The following MMP21 variants were observed in gnomAD, a reference collection of about 807,000 sequenced individuals.
MMP21 encodes matrix metallopeptidase 21.
A neutral mutation model predicts 47.8 loss-of-function variants in MMP21; 40 were observed. That is an observed-to-expected ratio of 0.84 (90% CI 0.65 to 1.09). MMP21 has a LOEUF of 1.09. Among genes scored for constraint, MMP21 ranks in the 50% least tolerant of loss-of-function variants. The pLI is 0.00. For synonymous variants in MMP21, 341 were observed against 318.0 expected (o/e 1.07, Z -0.77); for missense variants, 747 against 775.3 (o/e 0.96, Z 0.43).
rs780403304 is a variant in MMP21, at chr10:125,766,752, C to G, written c.1620G>C (p.Trp540Cys). Residue 540 changes from tryptophan (W) to cysteine (C), a missense_variant, in exon 7 of 7, where the codon TGG becomes TGC. Transcript: ENST00000368808. ...VNDKDKQQNS[W>C]LPANGLFPKK... ...TTGGAAATAAGCCATTAGCAGGAAG[C>G]CAGGAATTCTGTTGTTTGTCCTTGT... 1.2e-6 allele frequency: 2 copies of G among 1,613,728 alleles called. No homozygotes were observed. The highest frequency in any genetic ancestry group is 4.5e-5 in the East Asian group (2 of 44,852).
At chr10:125,769,214 A>C (rs972545364) in intron 5 of MMP21, among the ~76,000 whole-genome samples, 3 of 152,242 alleles carry the variant, frequency 2.0e-5, no homozygotes, top group African/African-American at 7.2e-5. Flanking sequence ...GGGTGTGAAT[A>C]AGGAGCAGCG....
rs200862216 is a variant in MMP21, at chr10:125,766,989, C to T, written c.1411-28G>A. 9 of 1,514,448 alleles carry T rather than the reference C, an allele frequency of 5.9e-6. No homozygotes were observed. The Admixed American group carries it at 1.4e-4, about 24-fold the overall frequency. The allele number at this position is 1,514,448 out of a possible 1,614,324, so 93.8% of individuals were successfully genotyped here. A position where few individuals can be genotyped will look rare whatever the true frequency, so the allele number is the denominator to read the frequency against. ...GCAAAGCAAATAAGATAGACTGGCT[C>T]TTCTGAAAATTATTAATATTTTTTG... is the stretch of plus-strand genomic sequence containing the variant. On this transcript the variant is annotated intron_variant, in intron 6 of 6. Coordinates refer to ENST00000368808, the MANE Select transcript of MMP21 (RefSeq NM_147191.1).
rs1341301860 is a variant in MMP21, at chr10:125,774,099, C to A, written c.429G>T (p.Arg143Ser). The change falls in exon 2 of 7, where the codon AGG (arginine) becomes AGT (serine). Residue 143 changes from arginine (R) to serine (S), a missense_variant. By Grantham distance (110) the Arg-to-Ser change is moderately radical. Transcript: ENST00000368808. ...PPGPPPRARS[R>S]RSPRAPLSLS... is the part of the protein sequence containing the mutation. ...AGGACAGCGGCGCCCGCGGGGAGCG[C>A]CTGGAGCGGGCTCTGGGGGGCGGGC... is the stretch of plus-strand genomic sequence containing the variant. 7.4e-7 allele frequency: 1 copy of A among 1,348,316 alleles called. No homozygotes were observed. Among genetic ancestry groups the A allele is most frequent in the Non-Finnish European group, 9.5e-7 (1 of 1,056,462 alleles). The allele number at this position is 1,348,316 out of a possible 1,614,324, so 83.5% of individuals were successfully genotyped here. A position where few individuals can be genotyped will look rare whatever the true frequency, so the allele number is the denominator to read the frequency against.
intron 5 of MMP21, among the ~76,000 whole-genome samples, chr10:125,769,476 C>G (rs1035192124): frequency 2.0e-5 from 3 of 152,230 alleles, no homozygotes; most frequent in Non-Finnish European, 4.4e-5. Context: ...GGACCCCAGT[C>G]TCACAGCTCT....
Position 125,772,089 on chromosome 10 carries a change from G to A in MMP21, c.979+129C>T. On this transcript the variant is annotated intron_variant, in intron 4 of 6. Coordinates refer to ENST00000368808, the MANE Select transcript of MMP21 (RefSeq NM_147191.1). The surrounding 1 kb of genome is among the most constrained non-coding windows in gnomAD (Gnocchi z 5.6). The stretch of plus-strand genomic sequence containing the variant: ...AGGGAGCTAGAGGGTGGCTACCCTT[G>A]GGTGACATGAGTTGTACAACGTTGC... 2.6e-6 allele frequency: 3 copies of A among 1,150,520 alleles called. No homozygotes were observed. In the South Asian group the frequency reaches 4.4e-5, roughly 17 times the overall value. 71.3% of individuals were successfully genotyped at this position (1,150,520 alleles called of 1,614,324 possible). A position where few individuals can be genotyped will look rare whatever the true frequency, so the allele number is the denominator to read the frequency against.
chr10:125,768,963 A>G (rs969920742), intron 5 of MMP21, among the ~76,000 whole-genome samples: 1 of 152,178 alleles, frequency 6.6e-6, no homozygotes, highest in Admixed American at 6.5e-5. Context: ...CTTATGGTAA[A>G]ATTTGCATAT....
Position 125,766,925 on chromosome 10 carries a change from T to C in MMP21, c.1447A>G (p.Asn483Asp). The C allele has an allele frequency of 1.2e-6, 2 of 1,604,780 alleles. No homozygotes were observed. Among genetic ancestry groups the C allele is most frequent in the Non-Finnish European group, 1.7e-6 (2 of 1,176,948 alleles). Residue 483 changes from asparagine (N) to aspartate (D), a missense_variant, in exon 7 of 7, where the codon AAT becomes GAT. Coordinates refer to ENST00000368808, the MANE Select transcript of MMP21 (RefSeq NM_147191.1). ...AFDVNRNRVL[N>D]SYPKRITEVF... is the part of the protein sequence containing the mutation. Reference sequence around the variant, plus strand: ...TCAGTAATCCTCTTTGGATAAGAATTAAGTACTCGATTTCTGTTGACATCA... The same window carrying C: ...TCAGTAATCCTCTTTGGATAAGAATCAAGTACTCGATTTCTGTTGACATCA...
chr10:125,773,171 A>G lies in MMP21; in HGVS notation c.698-421T>C, dbSNP rs538465988. 7.2e-5 allele frequency among the ~76,000 whole-genome samples: 11 copies of G among 152,310 alleles called. No homozygotes were observed. The East Asian group carries it at 1.7e-3, about 24-fold the overall frequency. ...CTCACCCTGGGACATTAACCCAGTG[A>G]GACCAGAAGACAGCCCTGAGCACCC... On this transcript the variant is annotated intron_variant, in intron 2 of 6. Transcript: ENST00000368808. This position sits in a 1 kb window ranked among gnomAD's most constrained non-coding sequence, Gnocchi z 4.8.
Position 125,775,713 on chromosome 10 carries a change from C to T in MMP21, c.109G>A (p.Glu37Lys). ...LFHSRDRSDL[E>K]PSPLRQAKPI... is the part of the protein sequence containing the mutation. Reference sequence around the variant, plus strand: ...TTGGCCTGGCGCAGTGGGGACGGCTCCAGGTCCGAGCGGTCCCGGCTGTGG... The same window carrying T: ...TTGGCCTGGCGCAGTGGGGACGGCTTCAGGTCCGAGCGGTCCCGGCTGTGG... Residue 37 changes from glutamate to lysine, a missense_variant, in exon 1 of 7, where the codon GAG becomes AAG. Physicochemically the swap from Glu to Lys is moderately conservative, Grantham distance 56. Transcript: ENST00000368808. 2 of 1,613,532 alleles carry T rather than the reference C, an allele frequency of 1.2e-6. No individual in the cohort carries two copies. The highest frequency in any genetic ancestry group is 1.7e-6 in the Non-Finnish European group (2 of 1,179,712).
At chr10:125,771,549 G>T (rs926007720) in intron 4 of MMP21, among the ~76,000 whole-genome samples, 3 of 152,006 alleles carry the variant, frequency 2.0e-5, no homozygotes, top group Non-Finnish European at 4.4e-5. Flanking sequence ...GATTACAGGC[G>T]TGTGCCACCA....
In MMP21 at chr10:125,773,976, G is replaced by C. The variant is rs1207661181; in HGVS notation, c.552C>G (p.Ala184=). Residue 184 remains alanine (A), a synonymous_variant, in exon 2 of 7, where the codon GCC becomes GCG. Transcript: ENST00000368808. The surrounding 1 kb of genome is among the most constrained non-coding windows in gnomAD (Gnocchi z 4.8). The part of the protein sequence containing the change: ...RTLSWRLLGE[A]LSSQLSVADQ... Reference sequence around the variant, plus strand: ...CGGCCACGGACAGTTGGCTGCTCAGGGCCTCGCCCAGCAGCCGCCAGCTCA... The same window carrying C: ...CGGCCACGGACAGTTGGCTGCTCAGCGCCTCGCCCAGCAGCCGCCAGCTCA... 5 of 1,571,582 alleles carry C rather than the reference G, an allele frequency of 3.2e-6. No homozygotes were observed. In the African/African-American group the frequency reaches 5.5e-5, roughly 17 times the overall value.
intron 4 of MMP21, among the ~76,000 whole-genome samples, chr10:125,771,698 C>T (rs770201103): frequency 4.6e-5 from 7 of 152,170 alleles, no homozygotes; most frequent in South Asian, 2.1e-4. Flanking sequence ...CCACTGTGCC[C>T]GGCCTAGGGA....
chr10:125,773,074 C>T lies in MMP21; in HGVS notation c.698-324G>A, dbSNP rs113519041. Among the ~76,000 whole-genome samples, 10 of 152,306 alleles carry T rather than the reference C, an allele frequency of 6.6e-5. No individual in the cohort carries two copies. Among genetic ancestry groups the T allele is most frequent in the African/African-American group, 2.4e-4 (10 of 41,568 alleles). On this transcript the variant is annotated intron_variant, in intron 2 of 6. Transcript: ENST00000368808. This position sits in a 1 kb window ranked among gnomAD's most constrained non-coding sequence, Gnocchi z 4.8. The stretch of plus-strand genomic sequence containing the variant: ...GATCGGGGCCGGATCCTCGCCTCTG[C>T]GGAGGTCGTGAAATATTGAAAGCTG...
chr10:125,768,559 C>T (rs915381670), intron 5 of MMP21, among the ~76,000 whole-genome samples: 5 of 152,198 alleles, frequency 3.3e-5, no homozygotes, highest in Non-Finnish European at 5.9e-5. Context: ...CCAAGCAGTA[C>T]GTTCCTTAGC....
In MMP21 at chr10:125,775,749, CG is replaced by C; in HGVS notation, c.72del (p.Glu25ArgfsTer85). 6.2e-7 allele frequency: 1 copy of C among 1,613,594 alleles called. No individual in the cohort carries two copies. The highest frequency in any genetic ancestry group is 8.5e-7 in the Non-Finnish European group (1 of 1,179,792). On this transcript the variant is annotated frameshift_variant, in exon 1 of 7. Transcript: ENST00000368808. LOFTEE classifies it high-confidence loss of function. ...CWLAAPWPTQPESLFHSRDRS... is the reference protein window; with the variant it reads ...CWLAAPWPTQXESLFHSRDRS... ...CGGTCCCGGCTGTGGAAGAGACTCTCGGGCTGGGTGGGCCAGGGAGCAGCCA... is the reference window on the plus strand; with the variant it reads ...CGGTCCCGGCTGTGGAAGAGACTCTCGGCTGGGTGGGCCAGGGAGCAGCCA...
In MMP21 at chr10:125,772,702, A is replaced by G. The variant is rs757919823; in HGVS notation, c.746T>C (p.Phe249Ser). 19 of 1,614,152 alleles carry G rather than the reference A, an allele frequency of 1.2e-5. No individual in the cohort carries two copies. The South Asian group carries it at 2.0e-4, about 17-fold the overall frequency. The change falls in exon 3 of 7, where the codon TTT becomes TCT. Residue 249 changes from phenylalanine (F) to serine (S), a missense_variant. Physicochemically the swap from Phe to Ser is radical, Grantham distance 155. Coordinates refer to ENST00000368808, the MANE Select transcript of MMP21 (RefSeq NM_147191.1). This position sits in a 1 kb window ranked among gnomAD's most constrained non-coding sequence, Gnocchi z 5.6. ...GTCACCTAGGCGCCAGGCGTGTGCA[A>G]ACTCCTGCCCGCTCCCATCGAAGGC... ...PRAFDGSGQE[F>S]AHAWRLGDIH...
Position 125,773,750 on chromosome 10 carries a change from C to T in MMP21, c.697+81G>A. On this transcript the variant is annotated intron_variant, in intron 2 of 6. Transcript: ENST00000368808. The surrounding 1 kb of genome is among the most constrained non-coding windows in gnomAD (Gnocchi z 4.8). ...CGGGAGGGCTTAGCCCCCCATTCTGCAGGTGGCCGAGGTGGGGGTAGGTGC... is the reference window on the plus strand; with the variant it reads ...CGGGAGGGCTTAGCCCCCCATTCTGTAGGTGGCCGAGGTGGGGGTAGGTGC... 2 of 1,425,408 alleles carry T rather than the reference C, an allele frequency of 1.4e-6. No homozygotes were observed. The highest frequency in any genetic ancestry group is 1.8e-6 in the Non-Finnish European group (2 of 1,094,524). 88.3% of individuals were successfully genotyped at this position (1,425,408 alleles called of 1,614,324 possible).
chr10:125,768,201 C>T (rs1850406527), intron 5 of MMP21, among the ~76,000 whole-genome samples: 2 of 152,066 alleles, frequency 1.3e-5, no homozygotes, highest in South Asian at 4.1e-4. Flanking sequence ...GTGGATTATA[C>T]CTTGAGTGTT....
Position 125,772,238 on chromosome 10 carries a change from T to C in MMP21, c.959A>G (p.Lys320Arg), listed in dbSNP as rs983215227. 4 of 1,614,102 alleles carry C rather than the reference T, an allele frequency of 2.5e-6. No individual in the cohort carries two copies. In the Admixed American group the frequency reaches 6.7e-5, roughly 27 times the overall value. ...PAFELDWSDR[K>R]AIQKLYGSCE... ...CTTACCATACAGCTTTTGAATTGCT[T>C]TCCTGTCTGACCAGTCCAACTCAAA... Residue 320 changes from lysine to arginine, a missense_variant, in exon 4 of 7, where the codon AAA (lysine) becomes AGA (arginine). Transcript: ENST00000368808. The surrounding 1 kb of genome is among the most constrained non-coding windows in gnomAD (Gnocchi z 5.6).
Sources: allele counts gnomAD v4.1 joint callset (sites outside exome capture counted in the v4.1 genomes callset), GRCh38; gene constraint gnomAD v4.1.1; non-coding constraint Gnocchi (gnomAD v3.1); transcripts MANE v1.5; gene names NCBI Gene and HGNC (gene_info 2026-07-23, HGNC 2026-07-21).